Variants in LINGO2 observed in about 807,000 individuals in gnomAD.
LINGO2 encodes leucine-rich repeat and immunoglobulin-like domain-containing nogo receptor-interacting protein 2.
In LINGO2, 14 loss-of-function variants were observed where a neutral mutation model predicts 30.6. The observed-to-expected ratio is 0.46, with a 90% CI of 0.30 to 0.72. The LOEUF is 0.72. Ranked by LOEUF, LINGO2 falls within the 30% of genes least tolerant of loss-of-function variation. The probability of loss-of-function intolerance (pLI) is 0.07; values close to 1 mark genes in which losing one functional copy is unlikely to be tolerated. For missense variants in LINGO2, 729 were observed against 751.7 expected (o/e 0.97, Z 0.35); for synonymous variants, 317 against 288.5 (o/e 1.10, Z -1.00).
the LINGO2 span, among the ~76,000 whole-genome samples, chr9:28,962,900 T>C: frequency 6.6e-6 from 1 of 151,870 alleles, no homozygotes. Context: ...TCCTGGAACT[T>C]TACTCATTTG....
chr9:28,361,865 C>T (rs1214951529), intron 3 of LINGO2, among the ~76,000 whole-genome samples: 1 of 152,098 alleles, frequency 6.6e-6, no homozygotes, highest in Non-Finnish European at 1.5e-5. Context: ...CAAGTTTCTC[C>T]ATCTTTTAAA....
the LINGO2 span, among the ~76,000 whole-genome samples, chr9:28,714,018 G>A: frequency 6.6e-6 from 1 of 151,708 alleles, no homozygotes; most frequent in Middle Eastern, 3.2e-3. Context: ...ATTTAGCCGG[G>A]CCTGGTGATG....
chr9:28,697,043 C>T, the LINGO2 span, among the ~76,000 whole-genome samples: 1 of 151,640 alleles, frequency 6.6e-6, no homozygotes, highest in Non-Finnish European at 1.5e-5. Flanking sequence ...TTTATACTTA[C>T]TCTTCTGGCA....
intron 3 of LINGO2, among the ~76,000 whole-genome samples, chr9:28,368,353 T>C (rs1820757514): frequency 6.6e-6 from 1 of 152,156 alleles, no homozygotes; most frequent in Admixed American, 6.5e-5. Context: ...CACTGAACTT[T>C]TTGCTGGGAG....
At chr9:27,947,986 C>A (rs975201006), downstream of LINGO2, 2 of 152,192 alleles carry the variant, frequency 1.3e-5, no homozygotes, top group Non-Finnish European at 2.9e-5. Flanking sequence ...ACAGGTACAT[C>A]TAGTGGTGTA....
At chr9:28,569,359 C>G (rs184631513) in intron 1 of LINGO2, among the ~76,000 whole-genome samples, 1 of 151,332 alleles carries the variant, frequency 6.6e-6, no homozygotes, top group African/African-American at 2.4e-5. Context: ...TAGTGTGATT[C>G]GTAACAGCCA....
chr9:28,440,448 G>C (rs1007215663), intron 2 of LINGO2, among the ~76,000 whole-genome samples: 3 of 152,062 alleles, frequency 2.0e-5, no homozygotes, highest in African/African-American at 7.2e-5. Context: ...TGCCCCTTTG[G>C]AAAAGCAAAG....
intron 4 of LINGO2, among the ~76,000 whole-genome samples, chr9:28,233,745 G>T (rs1039133361): frequency 4.6e-5 from 7 of 152,268 alleles, no homozygotes; most frequent in African/African-American, 1.7e-4. Context: ...TTGGATGCCA[G>T]TTCAGCCACA....
chr9:27,995,436 C>T (rs1248227742), intron 5 of LINGO2, among the ~76,000 whole-genome samples: 2 of 152,130 alleles, frequency 1.3e-5, no homozygotes, highest in East Asian at 1.9e-4. Context: ...CAATAAAAAA[C>T]GCTACATGCC....
the LINGO2 span, among the ~76,000 whole-genome samples, chr9:29,172,660 T>G: frequency 1.3e-4 from 19 of 151,958 alleles, no homozygotes; most frequent in Admixed American, 1.2e-3. Flanking sequence ...CTAATTCAAT[T>G]TAATGACAGA....
chr9:28,158,218 A>T (rs757884958), intron 4 of LINGO2, among the ~76,000 whole-genome samples: 18 of 152,162 alleles, frequency 1.2e-4, no homozygotes, highest in Non-Finnish European at 2.1e-4. Flanking sequence ...TTGCGCAGGG[A>T]AATTCCCCTT....
the LINGO2 span, among the ~76,000 whole-genome samples, chr9:28,978,816 AT>A: frequency 4.9e-5 from 7 of 142,990 alleles, no homozygotes; most frequent in Admixed American, 5.1e-4. Flanking sequence ...AGGAAAAAAA[AT>A]ATTTCCAACA....
At chr9:28,375,874 C>G (rs1821110303) in intron 2 of LINGO2, among the ~76,000 whole-genome samples, 1 of 152,096 alleles carries the variant, frequency 6.6e-6, no homozygotes, top group African/African-American at 2.4e-5. Flanking sequence ...AGAGGGGACA[C>G]AGTACGAATC....
intron 5 of LINGO2, among the ~76,000 whole-genome samples, chr9:27,969,828 T>C (rs771206511): frequency 2.6e-5 from 4 of 151,894 alleles, no homozygotes; most frequent in Non-Finnish European, 5.9e-5. Context: ...CAAGGTCAGT[T>C]AGGTAGTGTG....
rs117173134 is a variant in LINGO2, at chr9:28,152,580, T to C, written c.-86-140175A>G. 4.4e-3 allele frequency among the ~76,000 whole-genome samples: 673 copies of C among 152,210 alleles called. 23 individuals are homozygous for C. The East Asian group carries it at 0.079, about 18-fold the overall frequency. The stretch of plus-strand genomic sequence containing the variant: ...GAGAACCTCACAATAAACTCAAATA[T>C]ATACAAGAATGCAACATGTATAAAA... On this transcript the variant is annotated intron_variant, in intron 4 of 5. Transcript: ENST00000379992.
chr9:28,463,658 G>A (rs1350511362), intron 2 of LINGO2, among the ~76,000 whole-genome samples: 1 of 152,062 alleles, frequency 6.6e-6, no homozygotes, highest in Non-Finnish European at 1.5e-5. Context: ...GCATGTTTGT[G>A]CTGTTGTATA....
rs1587708599 is a variant in LINGO2 at position 28,463,853 on chromosome 9, C to T, written c.-279+12087G>A. Among the ~76,000 whole-genome samples, 3 of 152,072 alleles carry T rather than the reference C, an allele frequency of 2.0e-5. No individual in the cohort carries two copies. The East Asian group carries it at 5.8e-4, about 29-fold the overall frequency. ...CAGGAAAAAATATCTTTAACAGAGC[C>T]AATACATTTAAAGCACCTTGTATTC... On this transcript the variant is annotated intron_variant, in intron 2 of 5. Transcript: ENST00000379992.
At chr9:29,053,435 T>C in the LINGO2 span, among the ~76,000 whole-genome samples, 6 of 152,246 alleles carry the variant, frequency 3.9e-5, no homozygotes, top group Middle Eastern at 3.4e-3. Context: ...GGGGGAGGGA[T>C]AGCATTAGGA....
chr9:29,025,766 A>G, the LINGO2 span, among the ~76,000 whole-genome samples: 1 of 152,090 alleles, frequency 6.6e-6, no homozygotes, highest in East Asian at 1.9e-4. Flanking sequence ...CCTCGTGTCT[A>G]GCTGAAATTT....
Sources: gnomAD v4.1 joint callset for allele counts (sites outside exome capture counted in the v4.1 genomes callset) on GRCh38, gnomAD v4.1.1 for gene constraint, MANE v1.5 for transcripts, NCBI Gene and HGNC (gene_info 2026-07-23, HGNC 2026-07-21) for gene names.